KCNH8: variants seen among roughly 807,000 people sequenced by gnomAD.
KCNH8 encodes voltage-gated delayed rectifier potassium channel KCNH8.
A neutral mutation model predicts 103.6 loss-of-function variants in KCNH8; 70 were observed. The observed-to-expected ratio is 0.68, with a 90% CI of 0.56 to 0.82. KCNH8 has a LOEUF of 0.82. Ranked by LOEUF, KCNH8 falls within the 40% of genes least tolerant of loss-of-function variation. KCNH8 has a pLI of 0.00. For synonymous variants in KCNH8, 498 were observed against 489.4 expected (o/e 1.02, Z -0.23); for missense variants, 1,217 against 1,329.9 (o/e 0.92, Z 1.32).
intron 1 of KCNH8, among the ~76,000 whole-genome samples, chr3:19,234,257 T>A (rs1225582350): frequency 6.6e-6 from 1 of 152,152 alleles, no homozygotes; most frequent in Non-Finnish European, 1.5e-5. Flanking sequence ...CAGGTGGAGC[T>A]GCCTGCCAGT....
intron 11 of KCNH8, among the ~76,000 whole-genome samples, chr3:19,467,300 G>GACACACACACAC (rs138481664): frequency 2.0e-4 from 30 of 148,630 alleles, no homozygotes; most frequent in African/African-American, 5.7e-4. Context: ...TGTATAAGTA[G>GACACACACACAC]ACACACACAC....
rs369279999 is a variant in KCNH8 at position 19,308,809 on chromosome 3, C to CCT, written c.442+27496_442+27497dup. Reference sequence around the variant, plus strand: ...CTCCCTCTCTCTCTCTCCCTTTCTCCCTCTCTCTCTCTCTCTCCCCTCCTC... The same window carrying CCT: ...CTCCCTCTCTCTCTCTCCCTTTCTCCCTCTCTCTCTCTCTCTCTCCCCTCCTC... On this transcript the variant is annotated intron_variant, in intron 3 of 15. Coordinates refer to ENST00000328405, the MANE Select transcript of KCNH8 (RefSeq NM_144633.3). 5.7e-4 allele frequency among the ~76,000 whole-genome samples: 58 copies of CCT among 100,912 alleles called. 13 individuals carry two copies. The highest frequency in any genetic ancestry group is 2.3e-3 in the African/African-American group (47 of 20,768). The allele number at this position is 100,912 out of a possible 152,430, so 66.2% of individuals were successfully genotyped here.
intron 1 of KCNH8, among the ~76,000 whole-genome samples, chr3:19,253,140 C>A (rs1018799984): frequency 6.6e-6 from 1 of 152,056 alleles, no homozygotes; most frequent in African/African-American, 2.4e-5. Context: ...TTTAACTTAC[C>A]CTTTATTATC....
intron 1 of KCNH8, among the ~76,000 whole-genome samples, chr3:19,149,702 C>A (rs1035635146): frequency 3.9e-5 from 6 of 152,150 alleles, no homozygotes; most frequent in African/African-American, 1.4e-4. Context: ...CTAACAAATG[C>A]TCTCAGTTGG....
chr3:19,366,851 T>C (rs1463927204), intron 5 of KCNH8, among the ~76,000 whole-genome samples: 6 of 152,048 alleles, frequency 3.9e-5, no homozygotes, highest in African/African-American at 1.4e-4. Flanking sequence ...AAATATATAT[T>C]GAATATAGTG....
rs145912570 is a variant in KCNH8, at chr3:19,484,874, T to G, written c.2041-25489T>G. ...TTTCACCTAACTCTCGGGGAGTGCC[T>G]GGAAGTCTCTGTAGTATAGGAGGAG... On this transcript the variant is annotated intron_variant, in intron 11 of 15. Coordinates refer to ENST00000328405, the MANE Select transcript of KCNH8 (RefSeq NM_144633.3). Among the ~76,000 whole-genome samples the G allele has an allele frequency of 3.1e-3, 471 of 152,274 alleles. 5 individuals carry two copies. Among genetic ancestry groups the G allele is most frequent in the African/African-American group, 0.011 (452 of 41,556 alleles).
At chr3:19,485,492 C>G (rs2068185780) in intron 11 of KCNH8, among the ~76,000 whole-genome samples, 1 of 152,184 alleles carries the variant, frequency 6.6e-6, no homozygotes, top group African/African-American at 2.4e-5. Flanking sequence ...GGCCTAACAA[C>G]TTTTTAAGTG....
chr3:19,500,637 C>G (rs919159855), intron 11 of KCNH8, among the ~76,000 whole-genome samples: 6 of 152,174 alleles, frequency 3.9e-5, no homozygotes, highest in African/African-American at 1.4e-4. Flanking sequence ...TCACTCAAAA[C>G]CGCTCAACTA....
Position 19,451,294 on chromosome 3 carries a change from G to T in KCNH8, c.1715G>T (p.Cys572Phe). 6.2e-7 allele frequency: 1 copy of T among 1,613,946 alleles called. No individual in the cohort carries two copies. Among genetic ancestry groups the T allele is most frequent in the Non-Finnish European group, 8.5e-7 (1 of 1,179,908 alleles). Residue 572 changes from cysteine to phenylalanine, a missense_variant, in exon 10 of 16, where the codon TGT becomes TTT. Transcript: ENST00000328405. ...SLSLHIKTSFCAPGEYLLRQG... is the reference protein window; with the variant it reads ...SLSLHIKTSFFAPGEYLLRQG... ...TCTCTACACATCAAAACCTCTTTCT[G>T]TGCTCCGGGGGAGTATCTGCTGCGT...
chr3:19,170,783 CACACACAT>C (rs1341153156), intron 1 of KCNH8, among the ~76,000 whole-genome samples: 7 of 117,398 alleles, frequency 6.0e-5, no homozygotes, highest in Non-Finnish European at 8.7e-5. Flanking sequence ...TACACACACA[CACACACAT>C]ATATATATAT....
At chr3:19,371,924 A>G (rs908142155) in intron 5 of KCNH8, among the ~76,000 whole-genome samples, 4 of 149,964 alleles carry the variant, frequency 2.7e-5, no homozygotes, top group African/African-American at 9.9e-5. Context: ...ATAGTTGTAG[A>G]TATGTGGCGT....
At chr3:19,319,027 C>G (rs966293096) in intron 3 of KCNH8, among the ~76,000 whole-genome samples, 1 of 151,048 alleles carries the variant, frequency 6.6e-6, no homozygotes, top group East Asian at 1.9e-4. Context: ...ATTTATTTTG[C>G]TGATTTATTT....
rs77793235 is a variant in KCNH8, at chr3:19,260,375, A to C, written c.310+6488A>C. Reference sequence around the variant, plus strand: ...TGATAAAAAGGAAGCAAATTTCTTCATGACCTTCCTCTTTTACAATGAGCT... The same window carrying C: ...TGATAAAAAGGAAGCAAATTTCTTCCTGACCTTCCTCTTTTACAATGAGCT... On this transcript the variant is annotated intron_variant, in intron 2 of 15. Coordinates refer to ENST00000328405, the MANE Select transcript of KCNH8 (RefSeq NM_144633.3). 7.3e-5 allele frequency among the ~76,000 whole-genome samples: 11 copies of C among 150,568 alleles called. No individual in the cohort carries two copies. The East Asian group carries it at 2.2e-3, about 30-fold the overall frequency.
chr3:19,170,840 C>T lies in KCNH8; in HGVS notation c.76+22045C>T, dbSNP rs182391337. ...TTTTTTTTTTTTTGAGACGAAGTCTCGCGCTCTCGCCCAGGCTGGAGTGCA... is the reference window on the plus strand; with the variant it reads ...TTTTTTTTTTTTTGAGACGAAGTCTTGCGCTCTCGCCCAGGCTGGAGTGCA... On this transcript the variant is annotated intron_variant, in intron 1 of 15. Transcript: ENST00000328405. Among the ~76,000 whole-genome samples, 1,014 of 132,544 alleles carry T rather than the reference C, an allele frequency of 7.7e-3. 87 individuals are homozygous for T. The highest frequency in any genetic ancestry group is 0.031 in the African/African-American group (936 of 30,066). 87.0% of individuals were successfully genotyped at this position (132,544 alleles called of 152,430 possible).
Position 19,438,234 on chromosome 3 carries a change from G to C in KCNH8, c.1248G>C (p.Ser416=), listed in dbSNP as rs758740707. 101 of 1,613,890 alleles carry C rather than the reference G, an allele frequency of 6.3e-5. No individual in the cohort carries two copies. Among genetic ancestry groups the C allele is most frequent in the Non-Finnish European group, 8.1e-5 (95 of 1,180,010 alleles). The change falls in exon 8 of 16, where the codon TCG becomes TCC. Residue 416 remains serine, a synonymous_variant. Transcript: ENST00000328405. ...YYGNNTLGGP[S]IRSAYIAALY... Reference sequence around the variant, plus strand: ...GCAACAATACCTTGGGGGGCCCGTCGATCCGAAGTGCCTATATTGCCGCTC... The same window carrying C: ...GCAACAATACCTTGGGGGGCCCGTCCATCCGAAGTGCCTATATTGCCGCTC...
chr3:19,221,307 G>A (rs1390702862), intron 1 of KCNH8, among the ~76,000 whole-genome samples: 1 of 152,188 alleles, frequency 6.6e-6, no homozygotes, highest in East Asian at 1.9e-4. Context: ...CTGAGATTTT[G>A]CCCCAGGTTG....
intron 1 of KCNH8, among the ~76,000 whole-genome samples, chr3:19,230,061 G>C (rs1354254492): frequency 6.6e-6 from 1 of 152,164 alleles, no homozygotes; most frequent in Non-Finnish European, 1.5e-5. Context: ...GGCGGAAAGA[G>C]AAAATGAGGA....
chr3:19,521,612 A>C (rs1462434031), intron 15 of KCNH8, among the ~76,000 whole-genome samples: 1 of 151,932 alleles, frequency 6.6e-6, no homozygotes, highest in African/African-American at 2.4e-5. Flanking sequence ...AATGAAAATG[A>C]ATGGACCTAA....
chr3:19,458,883 C>A (rs1166407644), intron 11 of KCNH8, among the ~76,000 whole-genome samples: 1 of 151,954 alleles, frequency 6.6e-6, no homozygotes, highest in African/African-American at 2.4e-5. Flanking sequence ...TTTCACTAAG[C>A]ATAATGACCT....
Sources: gnomAD v4.1 joint callset for allele counts (sites outside exome capture counted in the v4.1 genomes callset) on GRCh38, gnomAD v4.1.1 for gene constraint, MANE v1.5 for transcripts, NCBI Gene and HGNC (gene_info 2026-07-23, HGNC 2026-07-21) for gene names.